Variants in ASRGL1 observed in about 807,000 individuals in gnomAD.
The protein encoded by ASRGL1 is asparaginase and isoaspartyl peptidase 1.
In ASRGL1, 16 loss-of-function variants were observed where a neutral mutation model predicts 22.4. That is an observed-to-expected ratio of 0.71 (90% CI 0.48 to 1.08). The LOEUF is 1.08. Ranked by LOEUF, ASRGL1 falls within the 50% of genes least tolerant of loss-of-function variation. The pLI is 0.00. For synonymous variants in ASRGL1, 165 were observed against 159.3 expected (o/e 1.04, Z -0.27); for missense variants, 412 against 410.1 (o/e 1.00, Z -0.04).
In ASRGL1 at chr11:62,362,645, TAA is replaced by T. The variant is rs1324862683; in HGVS notation, c.491+5502_491+5503del. Among the ~76,000 whole-genome samples the T allele has an allele frequency of 1.0e-4, 5 of 48,594 alleles. 1 individual carries two copies. The highest frequency in any genetic ancestry group is 4.6e-4 in the African/African-American group (5 of 10,810). 31.9% of individuals were successfully genotyped at this position (48,594 alleles called of 152,430 possible). A position where few individuals can be genotyped will look rare whatever the true frequency, so the allele number is the denominator to read the frequency against. On this transcript the variant is annotated intron_variant, in intron 4 of 6. Transcript: ENST00000415229. The stretch of plus-strand genomic sequence containing the variant: ...TATTATATAAAATATATATAATATA[TAA>T]TATATATTATATAAAATATATAATA...
intron 4 of ASRGL1, among the ~76,000 whole-genome samples, chr11:62,365,546 T>G (rs575889509): frequency 1.5e-4 from 23 of 151,938 alleles, no homozygotes; most frequent in African/African-American, 5.6e-4. Flanking sequence ...AGTGCAAGAC[T>G]CCGTCTCAAA....
Position 62,386,509 on chromosome 11 carries a change from TA to T in ASRGL1, c.492-2623del, listed in dbSNP as rs143364418. On this transcript the variant is annotated intron_variant, in intron 4 of 6. Transcript: ENST00000415229. ...ATATATGTACATATATAGATATGTA[TA>T]GGGGGAAAGATAGTGTTTATAGAGG... is the stretch of plus-strand genomic sequence containing the variant. Among the ~76,000 whole-genome samples, 321 of 152,150 alleles carry T rather than the reference TA, an allele frequency of 2.1e-3. 1 individual carries two copies. The highest frequency in any genetic ancestry group is 6.5e-3 in the African/African-American group (270 of 41,528).
intron 4 of ASRGL1, among the ~76,000 whole-genome samples, chr11:62,368,923 ACACCCGAGACATT>A (rs902490501): frequency 2.5e-4 from 38 of 152,278 alleles, no homozygotes; most frequent in African/African-American, 8.2e-4. Context: ...ATCGGGTTTT[ACACCCGAGACATT>A]CCATTGCCCA....
In ASRGL1 at chr11:62,391,758, C is replaced by T. The variant is rs901163024; in HGVS notation, c.721+126C>T. ...TTGGCTACAGATGTTGCTTTCAGGC[C>T]GTTAACACCTTGTTTTGACTCTCCG... On this transcript the variant is annotated intron_variant, in intron 6 of 6. Coordinates refer to ENST00000415229, the MANE Select transcript of ASRGL1 (RefSeq NM_001083926.2). The T allele has an allele frequency of 1.8e-5, 22 of 1,240,744 alleles. No individual in the cohort carries two copies. In the East Asian group the frequency reaches 3.8e-4, roughly 22 times the overall value. The allele number at this position is 1,240,744 out of a possible 1,614,324, so 76.9% of individuals were successfully genotyped here.
chr11:62,341,927 T>G (rs1427837219), intron 2 of ASRGL1, among the ~76,000 whole-genome samples: 1 of 152,212 alleles, frequency 6.6e-6, no homozygotes, highest in African/African-American at 2.4e-5. Flanking sequence ...GAAATGTTTG[T>G]TTTTTGGTGC....
intron 2 of ASRGL1, among the ~76,000 whole-genome samples, chr11:62,355,972 A>G (rs1014775571): frequency 1.3e-5 from 2 of 152,284 alleles, no homozygotes; most frequent in Non-Finnish European, 2.9e-5. Context: ...CCAAGGCAGA[A>G]GAATTTTTCT....
intron 4 of ASRGL1, among the ~76,000 whole-genome samples, chr11:62,358,516 A>G (rs749733868): frequency 1.7e-4 from 26 of 152,150 alleles, no homozygotes; most frequent in Non-Finnish European, 3.4e-4. Flanking sequence ...ATGTCACCAC[A>G]TTGCTTTCCA....
At chr11:62,389,385 G>A (rs529677634) in intron 5 of ASRGL1, 134 bp downstream of exon 5, 1 of 899,644 alleles carries the variant, frequency 1.1e-6, no homozygotes, top group Non-Finnish European at 1.8e-6. Flanking sequence ...AGGATGTCTG[G>A]GAGTGACAAT....
chr11:62,395,755 GTTTCTTTT>G (rs1947425247), downstream of ASRGL1, among the ~76,000 whole-genome samples: 1 of 65,122 alleles, frequency 1.5e-5, no homozygotes, highest in Non-Finnish European at 3.5e-5. Context: ...TTTTGTAGCT[GTTTCTTTT>G]TTTTTTTTTT....
intron 4 of ASRGL1, among the ~76,000 whole-genome samples, chr11:62,379,233 T>C (rs890285457): frequency 3.3e-5 from 5 of 152,220 alleles, no homozygotes; most frequent in African/African-American, 1.2e-4. Flanking sequence ...GCCTTTCATT[T>C]AGGCCAATTT....
At chr11:62,397,589 G>A (rs745557602), downstream of ASRGL1, among the ~76,000 whole-genome samples, 13 of 151,164 alleles carry the variant, frequency 8.6e-5, no homozygotes, top group Non-Finnish European at 1.0e-4. Context: ...ACTTGAACCC[G>A]GAAGGTGGAG....
At chr11:62,343,238 T>C (rs1479496423) in intron 2 of ASRGL1, among the ~76,000 whole-genome samples, 1 of 150,614 alleles carries the variant, frequency 6.6e-6, no homozygotes, top group East Asian at 2.0e-4. Flanking sequence ...ATTAGCCAAG[T>C]GCAGTGGTGG....
chr11:62,394,679 A>C (rs1172671760), downstream of ASRGL1, among the ~76,000 whole-genome samples: 1 of 152,174 alleles, frequency 6.6e-6, no homozygotes, highest in African/African-American at 2.4e-5. Context: ...CCAGTTCACA[A>C]GGAAATTTAC....
In ASRGL1 at chr11:62,391,504, A is replaced by G. The variant is rs1476801948; in HGVS notation, c.611-18A>G. 1 of 1,601,838 alleles carries G rather than the reference A, an allele frequency of 6.2e-7. No individual in the cohort carries two copies. Among genetic ancestry groups the G allele is most frequent in the Admixed American group, 1.7e-5 (1 of 58,388 alleles). On this transcript the variant is annotated intron_variant, in intron 5 of 6. Coordinates refer to ENST00000415229, the MANE Select transcript of ASRGL1 (RefSeq NM_001083926.2). ...TTCTTGACTGTTACTGCTCAGAACA[A>G]TCACCCTTTTTGAGCAGGAGCTGGA...
downstream of ASRGL1, among the ~76,000 whole-genome samples, chr11:62,394,071 T>TTATATATTATAATTTATACAATATATAA (rs1265645119): frequency 3.1e-4 from 44 of 143,056 alleles, no homozygotes; most frequent in African/African-American, 4.8e-4. Context: ...GGTATATTTA[T>TTATATATTATAATTTATACAATATATAA]TATATATTAT....
intron 2 of ASRGL1, among the ~76,000 whole-genome samples, chr11:62,344,559 G>A (rs1043200099): frequency 2.7e-5 from 4 of 148,782 alleles, no homozygotes; most frequent in Non-Finnish European, 4.4e-5. Context: ...ATAAATTTTT[G>A]TATACGATGC....
At chr11:62,344,015 A>G (rs999191556) in intron 2 of ASRGL1, among the ~76,000 whole-genome samples, 3 of 130,996 alleles carry the variant, frequency 2.3e-5, no homozygotes, top group African/African-American at 8.7e-5. Flanking sequence ...CGCAACCTCC[A>G]CCTCCTGAGT....
At chr11:62,396,032 C>A (rs372507358), downstream of ASRGL1, among the ~76,000 whole-genome samples, 2 of 152,104 alleles carry the variant, frequency 1.3e-5, no homozygotes, top group South Asian at 2.1e-4. Flanking sequence ...CCTCGGCCCC[C>A]CAAAGTGCTG....
intron 4 of ASRGL1, among the ~76,000 whole-genome samples, chr11:62,362,330 G>T (rs1946453741): frequency 6.7e-6 from 1 of 149,614 alleles, no homozygotes; most frequent in African/African-American, 2.5e-5. Context: ...GAAGAATTCA[G>T]CAAAACCATA....
Sources: gnomAD v4.1 joint callset for allele counts (sites outside exome capture counted in the v4.1 genomes callset) on GRCh38, gnomAD v4.1.1 for gene constraint, MANE v1.5 for transcripts, NCBI Gene and HGNC (gene_info 2026-07-23, HGNC 2026-07-21) for gene names.